Variants in MMP26 observed in about 807,000 individuals in gnomAD.
MMP26 encodes the protein matrix metalloproteinase-26.
MMP26 carries 33 observed loss-of-function variants against 31.0 expected under a neutral mutation model. The observed-to-expected ratio is 1.06, with a 90% confidence interval of 0.81 to 1.42. The LOEUF (loss-of-function observed/expected upper bound fraction) is 1.42. MMP26 is among the 40% of genes most tolerant of loss of function. The pLI is 0.00. For synonymous variants in MMP26, 122 were observed against 114.9 expected (o/e 1.06, Z -0.40); for missense variants, 347 against 316.1 (o/e 1.10, Z -0.74).
At chr11:4,811,839 A>G (rs1282432903) in intron 2 of MMP26, among the ~76,000 whole-genome samples, 3 of 152,132 alleles carry the variant, frequency 2.0e-5, no homozygotes, top group Admixed American at 6.6e-5. Flanking sequence ...TTTTAAGTTT[A>G]GTAGGGGATT....
At chr11:4,758,866 C>T (rs988358214) in intron 1 of MMP26, among the ~76,000 whole-genome samples, 1 of 151,820 alleles carries the variant, frequency 6.6e-6, no homozygotes, top group African/African-American at 2.4e-5. Flanking sequence ...AATCCCAGCA[C>T]TTTGGGAAGA....
intron 1 of MMP26, among the ~76,000 whole-genome samples, chr11:4,766,339 A>G (rs938627707): frequency 2.0e-5 from 3 of 152,108 alleles, no homozygotes; most frequent in African/African-American, 7.2e-5. Flanking sequence ...AGTGTGGGCC[A>G]CCTCTGCAAG....
chr11:4,721,213 A>G (rs1321849358), intron 1 of MMP26, among the ~76,000 whole-genome samples: 3 of 152,214 alleles, frequency 2.0e-5, no homozygotes, highest in Non-Finnish European at 4.4e-5. Flanking sequence ...AGGTGCTTGT[A>G]ACGCAAGCTC....
chr11:4,822,443 C>T, intron 2 of MMP26: 1 of 1,373,992 alleles, frequency 7.3e-7, no homozygotes, highest in Non-Finnish European at 9.5e-7. Context: ...GTAATTGTCC[C>T]AAAGTGCCCA....
At chr11:4,748,176 C>T (rs1309693414) in intron 1 of MMP26, among the ~76,000 whole-genome samples, 3 of 152,018 alleles carry the variant, frequency 2.0e-5, no homozygotes, top group Non-Finnish European at 4.4e-5. Flanking sequence ...CAACTCTACA[C>T]TCACAAACTA....
rs577370247 is a variant in MMP26 at position 4,984,372 on chromosome 11, G to A, written c.-144-3696G>A. On this transcript the variant is annotated intron_variant, in intron 2 of 7. Coordinates refer to ENST00000380390, the MANE Select transcript of MMP26 (RefSeq NM_021801.5). ...CTTCACAGGTAGTTGTGTTGATGAA[G>A]AAAGTGCATTCTTGGCACAGCGTAT... Among the ~76,000 whole-genome samples the A allele has an allele frequency of 2.8e-4, 43 of 152,310 alleles. 1 individual carries two copies. In the South Asian group the frequency reaches 8.5e-3, roughly 30 times the overall value.
intron 2 of MMP26, chr11:4,914,646 C>G: frequency 3.1e-6 from 3 of 955,206 alleles, no homozygotes; most frequent in Non-Finnish European, 4.7e-6. Context: ...TTATTTTATG[C>G]ATGTTAGAAA....
At chr11:4,986,200 C>A (rs867447369) in intron 2 of MMP26, among the ~76,000 whole-genome samples, 3 of 152,176 alleles carry the variant, frequency 2.0e-5, no homozygotes, top group Non-Finnish European at 4.4e-5. Context: ...CTTTGAGTCT[C>A]ATTTTTTTTA....
chr11:4,848,865 A>G (rs753887408), intron 2 of MMP26: 36 of 1,614,078 alleles, frequency 2.2e-5, no homozygotes, highest in Non-Finnish European at 3.0e-5. Context: ...CATGACAGAA[A>G]AGACATGGAT....
At chr11:4,970,815 G>A (rs898258709) in intron 2 of MMP26, among the ~76,000 whole-genome samples, 1 of 152,186 alleles carries the variant, frequency 6.6e-6, no homozygotes, top group African/African-American at 2.4e-5. Context: ...ACCGGTGCCA[G>A]TGGTGGTGAT....
intron 2 of MMP26, among the ~76,000 whole-genome samples, chr11:4,845,376 A>G (rs1849852731): frequency 6.6e-6 from 1 of 152,170 alleles, no homozygotes. Context: ...GAAAATATCA[A>G]TGACATTCTT....
chr11:4,928,651 T>A (rs1851305740), intron 2 of MMP26, among the ~76,000 whole-genome samples: 1 of 152,174 alleles, frequency 6.6e-6, no homozygotes, highest in Admixed American at 6.6e-5. Context: ...ATTTTTTAAT[T>A]TTTATTTTTT....
chr11:4,824,862 G>A (rs1280798872), intron 2 of MMP26, among the ~76,000 whole-genome samples: 1 of 152,030 alleles, frequency 6.6e-6, no homozygotes, highest in Non-Finnish European at 1.5e-5. Context: ...ACTTTTCTCT[G>A]TTAATTAATA....
intron 2 of MMP26, among the ~76,000 whole-genome samples, chr11:4,964,610 C>T (rs1275402128): frequency 5.9e-5 from 9 of 152,048 alleles, no homozygotes; most frequent in South Asian, 2.1e-4. Flanking sequence ...TATAAATATA[C>T]GTGCACACAT....
At chr11:4,751,481 G>A (rs1175124596) in intron 1 of MMP26, among the ~76,000 whole-genome samples, 3 of 152,112 alleles carry the variant, frequency 2.0e-5, no homozygotes, top group Non-Finnish European at 2.9e-5. Context: ...GGATGTTAAA[G>A]TTGAAGTGGA....
chr11:4,878,569 A>G (rs1850416394), intron 2 of MMP26, among the ~76,000 whole-genome samples: 1 of 152,132 alleles, frequency 6.6e-6, no homozygotes, highest in African/African-American at 2.4e-5. Context: ...TGCTTAATAT[A>G]TACTCCATAT....
chr11:4,954,448 A>G (rs371262368), intron 2 of MMP26, among the ~76,000 whole-genome samples: 13 of 124,366 alleles, frequency 1.0e-4, no homozygotes, highest in African/African-American at 3.0e-4. Flanking sequence ...GTATAGAGAG[A>G]CTGAATGTAG....
At chr11:4,907,307 AG>A (rs1850910607) in intron 2 of MMP26, 1 of 1,179,564 alleles carries the variant, frequency 8.5e-7, no homozygotes, top group East Asian at 2.4e-5. Flanking sequence ...TTTAACCAAA[AG>A]CATGACTGCT....
chr11:4,846,742 TACA>T (rs939100236), intron 2 of MMP26, among the ~76,000 whole-genome samples: 106 of 152,346 alleles, frequency 7.0e-4, no homozygotes, highest in African/African-American at 2.2e-3. Context: ...ATTATTGTGC[TACA>T]ACAATAGTGC....
Sources: allele counts gnomAD v4.1 joint callset (sites outside exome capture counted in the v4.1 genomes callset), GRCh38; gene constraint gnomAD v4.1.1; transcripts MANE v1.5; gene names NCBI Gene and HGNC (gene_info 2026-07-23, HGNC 2026-07-21).